The following NFATC2IP variants were observed in gnomAD, a reference collection of about 807,000 sequenced individuals.
NFATC2IP encodes nuclear factor of activated T cells 2 interacting protein.
Under a neutral mutation model 40.2 loss-of-function variants are expected in NFATC2IP, and 25 were observed. The observed-to-expected ratio is 0.62, with a 90% CI of 0.45 to 0.87. NFATC2IP has a LOEUF of 0.87. Among genes scored for constraint, NFATC2IP ranks in the 40% least tolerant of loss-of-function variants. The pLI, the probability that NFATC2IP is intolerant of heterozygous loss-of-function variation, is 0.00. For synonymous variants in NFATC2IP, 241 were observed against 236.3 expected (o/e 1.02, Z -0.18); for missense variants, 553 against 555.6 (o/e 1.00, Z 0.05).
At chr16:28,960,838 A>G (rs918023737) in intron 7 of NFATC2IP, among the ~76,000 whole-genome samples, 1 of 152,124 alleles carries the variant, frequency 6.6e-6, no homozygotes, top group African/African-American at 2.4e-5. Flanking sequence ...CAGAGACCTC[A>G]CCAGAAACAC....
intron 3 of NFATC2IP, among the ~76,000 whole-genome samples, chr16:28,955,007 CAT>C (rs1159088949): frequency 2.6e-5 from 4 of 151,988 alleles, no homozygotes; most frequent in East Asian, 1.9e-4. Flanking sequence ...GCCTGGGAAA[CAT>C]AGAGAGACCC....
In NFATC2IP at chr16:28,951,176, T is replaced by C; in HGVS notation, c.165T>C (p.Asp55=). 5 of 1,541,220 alleles carry C rather than the reference T, an allele frequency of 3.2e-6. No individual in the cohort carries two copies. The highest frequency in any genetic ancestry group is 4.4e-6 in the Non-Finnish European group (5 of 1,141,988). The change falls in exon 1 of 8, where the codon GAT becomes GAC. Residue 55 remains aspartate, a synonymous_variant. Coordinates refer to ENST00000320805, the MANE Select transcript of NFATC2IP (RefSeq NM_032815.4). ...CTGTGGACTTGGTCACCGACAGCGA[T>C]GAGGAAATTCTGGAGGTCGCCACCG... is the stretch of plus-strand genomic sequence containing the variant. ...VVSVDLVTDS[D]EEILEVATAR... is the part of the protein sequence containing the mutation.
At chr16:28,954,106 T>C (rs1964994173) in intron 2 of NFATC2IP, among the ~76,000 whole-genome samples, 1 of 152,156 alleles carries the variant, frequency 6.6e-6, no homozygotes, top group Non-Finnish European at 1.5e-5. Context: ...CTGGGAAGTA[T>C]TATACCTCAG....
intron 5 of NFATC2IP, among the ~76,000 whole-genome samples, chr16:28,958,111 TAGAA>T (rs1259418137): frequency 4.4e-5 from 5 of 113,588 alleles, no homozygotes; most frequent in African/African-American, 9.4e-5. Flanking sequence ...CTACTAAAAA[TAGAA>T]AGAAAAAAAA....
At position 28,965,857 on chromosome 16, in the gene NFATC2IP, C is replaced by G. The variant is rs946281547; in HGVS notation, c.*1994C>G. ...ATCACTTGAGGCCAGGAGTTCAAGA[C>G]CACCCTGACCAACTTGGTGAAATCC... On this transcript the variant is annotated 3_prime_UTR_variant, in exon 8 of 8. Coordinates refer to ENST00000320805, the MANE Select transcript of NFATC2IP (RefSeq NM_032815.4). The G allele has an allele frequency of 6.6e-6, 1 of 151,846 alleles. No individual in the cohort carries two copies. The highest frequency in any genetic ancestry group is 2.4e-5 in the African/African-American group (1 of 41,294). The allele number at this position is 151,846 out of a possible 1,614,324, so 9.4% of individuals were successfully genotyped here.
intron 2 of NFATC2IP, among the ~76,000 whole-genome samples, chr16:28,954,049 C>T (rs1964993598): frequency 6.6e-6 from 1 of 152,096 alleles, no homozygotes; most frequent in African/African-American, 2.4e-5. Flanking sequence ...GTGTTGGAAA[C>T]TGTCCTGTGC....
chr16:28,954,224 T>A (rs1964995905), intron 2 of NFATC2IP, among the ~76,000 whole-genome samples: 1 of 152,218 alleles, frequency 6.6e-6, no homozygotes, highest in Admixed American at 6.5e-5. Context: ...CTAGGGTTTC[T>A]TATCATTTTT....
chr16:28,958,438 AC>A, intron 5 of NFATC2IP: 1 of 337,826 alleles, frequency 3.0e-6, no homozygotes, highest in East Asian at 5.6e-5. Flanking sequence ...GAGCTGCGTA[AC>A]AGCCAGCCTG....
At position 28,951,221 on chromosome 16, in the gene NFATC2IP, G is replaced by A; in HGVS notation, c.210G>A (p.Glu70=). ...EVATARGAAD[E]VEVEPPEPPG... ...CCACCGCTCGCGGTGCCGCGGACGA[G>A]GTTGAGGTGGAGCCCCCGGAGCCCC... Residue 70 remains glutamate (E), a synonymous_variant, in exon 1 of 8, where the codon GAG becomes GAA. Coordinates refer to ENST00000320805, the MANE Select transcript of NFATC2IP (RefSeq NM_032815.4). 1 of 1,527,792 alleles carries A rather than the reference G, an allele frequency of 6.5e-7. No individual in the cohort carries two copies. 94.6% of individuals were successfully genotyped at this position (1,527,792 alleles called of 1,614,324 possible).
At position 28,952,221 on chromosome 16, in the gene NFATC2IP, A is replaced by C; in HGVS notation, c.460+17A>C. On this transcript the variant is annotated intron_variant, in intron 2 of 7. Transcript: ENST00000320805. The stretch of plus-strand genomic sequence containing the variant: ...ATGAGGAAGGTAAGGGAGGGCCTCC[A>C]GGGAGAGGCACGCAGCCGCTGGCTT... 1 of 1,613,176 alleles carries C rather than the reference A, an allele frequency of 6.2e-7. No individual in the cohort carries two copies. The highest frequency in any genetic ancestry group is 8.5e-7 in the Non-Finnish European group (1 of 1,179,542).
chr16:28,951,928 T>C (rs1284046388), intron 1 of NFATC2IP, among the ~76,000 whole-genome samples: 2 of 152,032 alleles, frequency 1.3e-5, no homozygotes, highest in Non-Finnish European at 2.9e-5. Flanking sequence ...CAGAGTGTCT[T>C]AGGCAGATGG....
chr16:28,962,302 C>G lies in NFATC2IP; in HGVS notation c.1102-1403C>G, dbSNP rs1159079401. 5.9e-5 allele frequency among the ~76,000 whole-genome samples: 9 copies of G among 152,148 alleles called. 1 individual carries two copies. The highest frequency in any genetic ancestry group is 5.2e-4 in the Admixed American group (8 of 15,256). The stretch of plus-strand genomic sequence containing the variant: ...ATTATAAAGGATGTTACAAAGGATA[C>G]AGATGAAGAGATGTGTAGGGCACAG... On this transcript the variant is annotated intron_variant, in intron 7 of 7. Coordinates refer to ENST00000320805, the MANE Select transcript of NFATC2IP (RefSeq NM_032815.4).
intron 2 of NFATC2IP, 26 bp from the exon 3 acceptor site, chr16:28,954,539 T>C (rs1057119802): frequency 4.6e-6 from 7 of 1,533,310 alleles, no homozygotes; most frequent in Non-Finnish European, 6.3e-6. Flanking sequence ...ATAACCCCCT[T>C]CTACCTTCTC....
chr16:28,959,016 A>G lies in NFATC2IP; in HGVS notation c.1017A>G (p.Pro339=). 1 of 1,613,958 alleles carries G rather than the reference A, an allele frequency of 6.2e-7. No homozygotes were observed. Among genetic ancestry groups the G allele is most frequent in the Non-Finnish European group, 8.5e-7 (1 of 1,179,856 alleles). ...ACTGTGTGGTACTAACAAGTTCTCC[A>G]GAGGCCACAGAGACGTCCCAACAGC... is the stretch of plus-strand genomic sequence containing the variant. ...IIDCVVLTSS[P]EATETSQQLQ... is the part of the protein sequence containing the mutation. Residue 339 remains proline (P), a synonymous_variant, in exon 7 of 8, where the codon CCA becomes CCG. Transcript: ENST00000320805.
intron 2 of NFATC2IP, among the ~76,000 whole-genome samples, chr16:28,953,220 G>A (rs933797293): frequency 8.6e-5 from 13 of 151,526 alleles, no homozygotes; most frequent in African/African-American, 3.1e-4. Context: ...GATTACAGGC[G>A]CCCGCCACCA....
At chr16:28,963,589 A>C in intron 7 of NFATC2IP, 116 bp from the exon 8 acceptor site, 1 of 860,188 alleles carries the variant, frequency 1.2e-6, no homozygotes, top group East Asian at 2.5e-5. Context: ...TGGGGCCCTG[A>C]CTTTATTGTT....
intron 7 of NFATC2IP, among the ~76,000 whole-genome samples, chr16:28,960,829 A>G (rs1290509696): frequency 6.6e-6 from 1 of 152,200 alleles, no homozygotes; most frequent in Non-Finnish European, 1.5e-5. Context: ...CATTTCCTCC[A>G]GAGACCTCAC....
At position 28,954,669 on chromosome 16, in the gene NFATC2IP, AAGAC is replaced by A; in HGVS notation, c.569_572del (p.Thr190SerfsTer29). 2 of 1,612,200 alleles carry A rather than the reference AAGAC, an allele frequency of 1.2e-6. No homozygotes were observed. Among genetic ancestry groups the A allele is most frequent in the Non-Finnish European group, 1.7e-6 (2 of 1,178,440 alleles). ...GACTAAGGATAAAGAAGAGAAGAAA[AAGAC>A]AGAGTTTCTGTGAGTGAGGCCAGGG... On this transcript the variant is annotated frameshift_variant, in exon 3 of 8. Coordinates refer to ENST00000320805, the MANE Select transcript of NFATC2IP (RefSeq NM_032815.4). LOFTEE classifies it high-confidence loss of function.
At chr16:28,951,520 C>T in intron 1 of NFATC2IP, 122 bp downstream of exon 1, 5 of 1,022,506 alleles carry the variant, frequency 4.9e-6, no homozygotes, top group East Asian at 3.2e-5. Flanking sequence ...GGGGCTGGTC[C>T]TCGGGCGTTA....
Sources: allele counts gnomAD v4.1 joint callset (sites outside exome capture counted in the v4.1 genomes callset), GRCh38; gene constraint gnomAD v4.1.1; transcripts MANE v1.5; gene names NCBI Gene and HGNC (gene_info 2026-07-23, HGNC 2026-07-21).